The following ALK variants were observed in gnomAD, a reference collection of about 807,000 sequenced individuals.
The protein encoded by ALK is ALK receptor tyrosine kinase, also known as ALK tyrosine kinase receptor.
A neutral mutation model predicts 163.1 loss-of-function variants in ALK; 74 were observed. That is an observed-to-expected ratio of 0.45 (90% CI 0.38 to 0.55). ALK has a LOEUF of 0.55. ALK is among the 20% of genes least tolerant of loss of function. The pLI is 0.00. For missense variants in ALK, 2,063 were observed against 2,105.3 expected (o/e 0.98, Z 0.39); for synonymous variants, 960 against 843.2 (o/e 1.14, Z -2.40).
At chr2:29,685,504 G>A (rs1678209863) in intron 3 of ALK, among the ~76,000 whole-genome samples, 1 of 152,164 alleles carries the variant, frequency 6.6e-6, no homozygotes, top group African/African-American at 2.4e-5. Context: ...TAGTGGAGGA[G>A]ACAGTTTAAG....
At chr2:29,818,981 C>T (rs747577626) in intron 1 of ALK, among the ~76,000 whole-genome samples, 1 of 152,212 alleles carries the variant, frequency 6.6e-6, no homozygotes, top group Non-Finnish European at 1.5e-5. Flanking sequence ...TACCACCATA[C>T]CTGTGATCCC....
At chr2:29,381,781 CA>C (rs1410886175) in intron 5 of ALK, among the ~76,000 whole-genome samples, 1 of 152,202 alleles carries the variant, frequency 6.6e-6, no homozygotes, top group Non-Finnish European at 1.5e-5. Context: ...ATCGAATAGA[CA>C]TTGAGTATGC....
intron 4 of ALK, among the ~76,000 whole-genome samples, chr2:29,503,673 G>A (rs1052863209): frequency 6.6e-6 from 1 of 152,114 alleles, no homozygotes; most frequent in Non-Finnish European, 1.5e-5. Context: ...ATGAGTGAAG[G>A]CAGAGACCTA....
intron 2 of ALK, 50 bp downstream of exon 2, chr2:29,717,528 T>C (rs2148307145): frequency 1.2e-6 from 2 of 1,607,444 alleles, no homozygotes; most frequent in Middle Eastern, 1.7e-4. Flanking sequence ...AGAGTCCTTA[T>C]TATGAGATAG....
intron 26 of ALK, among the ~76,000 whole-genome samples, chr2:29,199,203 C>A (rs1262906164): frequency 6.6e-6 from 1 of 152,196 alleles, no homozygotes; most frequent in Non-Finnish European, 1.5e-5. Flanking sequence ...ATCCACCCAC[C>A]TCGGCCTCCC....
Position 29,643,258 on chromosome 2 carries a change from G to C in ALK, c.952+51592C>G, listed in dbSNP as rs529388602. Among the ~76,000 whole-genome samples the C allele has an allele frequency of 6.6e-5, 10 of 152,232 alleles. No individual in the cohort carries two copies. The South Asian group carries it at 2.1e-3, about 32-fold the overall frequency. ...TTCCAGGGCTGGTACTGGGAAGCAAGATACATCACCAGGAAAGGGAATGGC... is the reference window on the plus strand; with the variant it reads ...TTCCAGGGCTGGTACTGGGAAGCAACATACATCACCAGGAAAGGGAATGGC... On this transcript the variant is annotated intron_variant, in intron 3 of 28. Transcript: ENST00000389048.
At chr2:29,195,226 ATGTT>A (rs1668994625) in intron 28 of ALK, among the ~76,000 whole-genome samples, 1 of 152,228 alleles carries the variant, frequency 6.6e-6, no homozygotes, top group East Asian at 1.9e-4. Context: ...GAAGGTATAT[ATGTT>A]TAAGTGGGTG....
rs200641396 is a variant in ALK at position 29,225,500 on chromosome 2, C to T, written c.3133G>A (p.Val1045Met). 3.6e-5 allele frequency: 58 copies of T among 1,613,432 alleles called. No homozygotes were observed. Among genetic ancestry groups the T allele is most frequent in the African/African-American group, 1.9e-4 (14 of 75,040 alleles). Residue 1045 changes from valine (V) to methionine (M), a missense_variant, in exon 19 of 29, where the codon GTG (valine) becomes ATG (methionine). Physicochemically the swap from Val to Met is conservative, Grantham distance 21. This residue lies in a region of ALK where 575 missense variants were observed against 626.6 expected (regional missense o/e 0.92). Coordinates refer to ENST00000389048, the MANE Select transcript of ALK (RefSeq NM_004304.5). ...GAGAAAGCCAGGACCAGGGCGGCCA[C>T]GAGGGCAGAGGTCACCACAGAGAGG... Reference protein sequence around the residue: ...LILSVVTSALVAALVLAFSGI... With the variant: ...LILSVVTSALMAALVLAFSGI...
intron 4 of ALK, among the ~76,000 whole-genome samples, chr2:29,420,478 T>C (rs1669989831): frequency 6.6e-6 from 1 of 151,618 alleles, no homozygotes; most frequent in South Asian, 2.1e-4. Flanking sequence ...GAGGAACGCA[T>C]TCTGGTTGAG....
chr2:29,293,550 G>C (rs1278310219), intron 9 of ALK, among the ~76,000 whole-genome samples: 1 of 152,124 alleles, frequency 6.6e-6, no homozygotes, highest in African/African-American at 2.4e-5. Context: ...TGAAGGAAGA[G>C]TAGTATTTAG....
intron 1 of ALK, among the ~76,000 whole-genome samples, chr2:29,738,513 C>G (rs1679957570): frequency 6.6e-6 from 1 of 152,078 alleles, no homozygotes; most frequent in African/African-American, 2.4e-5. Flanking sequence ...GGTGATAACA[C>G]AGCCCATGAA....
At chr2:29,793,687 A>G (rs1310621454) in intron 1 of ALK, among the ~76,000 whole-genome samples, 1 of 152,206 alleles carries the variant, frequency 6.6e-6, no homozygotes, top group Non-Finnish European at 1.5e-5. Context: ...AGTGATGAGG[A>G]GCATGGTCAA....
intron 9 of ALK, among the ~76,000 whole-genome samples, chr2:29,289,620 A>G (rs1302195813): frequency 2.0e-5 from 3 of 152,114 alleles, no homozygotes; most frequent in African/African-American, 7.2e-5. Flanking sequence ...GTATATATAT[A>G]TATGGCATCA....
At chr2:29,216,429 G>A (rs1043008630) in intron 23 of ALK, among the ~76,000 whole-genome samples, 11 of 152,098 alleles carry the variant, frequency 7.2e-5, no homozygotes, top group Admixed American at 3.3e-4. Flanking sequence ...GGCCATAGAT[G>A]TCTCGGAAGC....
chr2:29,746,932 A>G (rs147257144), intron 1 of ALK, among the ~76,000 whole-genome samples: 2 of 152,348 alleles, frequency 1.3e-5, no homozygotes, highest in African/African-American at 4.8e-5. Context: ...AAAAGAAACC[A>G]CAGTCCCTGA....
rs539744401 is a variant in ALK at position 29,684,463 on chromosome 2, C to T, written c.952+10387G>A. 2.5e-3 allele frequency among the ~76,000 whole-genome samples: 383 copies of T among 152,292 alleles called. 2 individuals carry two copies. The Middle Eastern group carries it at 0.034, about 14-fold the overall frequency. On this transcript the variant is annotated intron_variant, in intron 3 of 28. Transcript: ENST00000389048. ...AAACAGCTTAGCTGGTGGCAGTAATCGATTCCACTTCCTCACATGGATTGC... is the reference window on the plus strand; with the variant it reads ...AAACAGCTTAGCTGGTGGCAGTAATTGATTCCACTTCCTCACATGGATTGC...
intron 3 of ALK, among the ~76,000 whole-genome samples, chr2:29,665,963 G>A (rs534894992): frequency 1.3e-5 from 2 of 152,122 alleles, no homozygotes; most frequent in South Asian, 4.1e-4. Flanking sequence ...CCTGCCCCAT[G>A]TCTCCCTACT....
In ALK at chr2:29,225,534, G is replaced by A. The variant is rs1297514227; in HGVS notation, c.3099C>T (p.Leu1033=). The part of the protein sequence containing the change: ...VSPTPEPHLP[L]SLILSVVTSA... The stretch of plus-strand genomic sequence containing the variant: ...AGGTCACCACAGAGAGGATCAGCGA[G>A]AGTGGCAGGTGTGGCTCCGGGGTGG... Residue 1033 remains leucine, a synonymous_variant, in exon 19 of 29, where the codon CTC becomes CTT. Transcript: ENST00000389048. 3.1e-6 allele frequency: 5 copies of A among 1,612,654 alleles called. No individual in the cohort carries two copies. The highest frequency in any genetic ancestry group is 4.2e-6 in the Non-Finnish European group (5 of 1,179,820).
intron 4 of ALK, among the ~76,000 whole-genome samples, chr2:29,421,374 T>C (rs1041371668): frequency 6.6e-6 from 1 of 151,314 alleles, no homozygotes; most frequent in African/African-American, 2.5e-5. Flanking sequence ...CGTTATTGAG[T>C]CAGCAGCACA....
Sources: allele counts gnomAD v4.1 joint callset (sites outside exome capture counted in the v4.1 genomes callset), GRCh38; gene constraint gnomAD v4.1.1; regional missense constraint gnomAD v4.1.1; transcripts MANE v1.5; gene names NCBI Gene and HGNC (gene_info 2026-07-23, HGNC 2026-07-21).